Variants in DHX34 observed in about 807,000 individuals in gnomAD.
The protein encoded by DHX34 is probable ATP-dependent RNA helicase DHX34.
A neutral mutation model predicts 111.1 loss-of-function variants in DHX34; 96 were observed. The ratio of observed to expected loss-of-function variants is 0.86; its 90% CI spans 0.73 to 1.02. The LOEUF (loss-of-function observed/expected upper bound fraction) is 1.02, where lower values mean the gene tolerates loss of function less well. Ranked by LOEUF, DHX34 falls within the 50% of genes least tolerant of loss-of-function variation. The pLI, the probability that DHX34 is intolerant of heterozygous loss-of-function variation, is 0.00. For missense variants in DHX34, 1,560 were observed against 1,579.9 expected, an observed-to-expected ratio of 0.99 and a Z score of 0.21; for synonymous variants, 688 against 670.4, an observed-to-expected ratio of 1.03 and a Z score of -0.41.
chr19:47,373,403 C>G (rs1224024753), intron 8 of DHX34, 196 bp from the exon 9 acceptor site: 2 of 900,256 alleles, frequency 2.2e-6, no homozygotes, highest in Non-Finnish European at 2.7e-6. Context: ...CTGGGACAAC[C>G]CAGCGGGGCA....
rs1194276426 is a variant in DHX34, at chr19:47,363,184, GACCTTGTAATCC to G, written c.1593+495_1593+506del. 5.3e-5 allele frequency among the ~76,000 whole-genome samples: 8 copies of G among 152,050 alleles called. No individual in the cohort carries two copies. The South Asian group carries it at 1.7e-3, about 32-fold the overall frequency. ...TTAGCCAGGATGGTCTTGATTTCCTGACCTTGTAATCCACCCTCCTCGGCCTCCCAAAGTGCT... is the reference window on the plus strand; with the variant it reads ...TTAGCCAGGATGGTCTTGATTTCCTGACCCTCCTCGGCCTCCCAAAGTGCT... On this transcript the variant is annotated intron_variant, in intron 6 of 16. Coordinates refer to ENST00000328771, the MANE Select transcript of DHX34 (RefSeq NM_014681.6).
Position 47,373,645 on chromosome 19 carries a change from G to T in DHX34, c.2009G>T (p.Arg670Leu). 1 of 1,614,044 alleles carries T rather than the reference G, an allele frequency of 6.2e-7. No individual in the cohort carries two copies. Among genetic ancestry groups the T allele is most frequent in the Non-Finnish European group, 8.5e-7 (1 of 1,179,990 alleles). The change falls in exon 9 of 17, where the codon CGG (arginine) becomes CTG (leucine). Residue 670 changes from arginine to leucine, a missense_variant. By Grantham distance (102) the Arg-to-Leu change is moderately radical (BLOSUM62 -2). Transcript: ENST00000328771. ...AACTCTCGCAAGTGGTGCCGCCGCC[G>T]GGGCATAGAGGAGCATCGACTGTAC... ...SRNSRKWCRR[R>L]GIEEHRLYEM...
intron 1 of DHX34, among the ~76,000 whole-genome samples, chr19:47,352,136 A>C (rs1483977095): frequency 6.6e-6 from 1 of 152,102 alleles, no homozygotes; most frequent in Non-Finnish European, 1.5e-5. Context: ...TCTCAGGTGA[A>C]ACATCCCCTC....
chr19:47,376,970 C>G, intron 12 of DHX34, 130 bp from the exon 13 acceptor site: 1 of 1,549,808 alleles, frequency 6.5e-7, no homozygotes, highest in Non-Finnish European at 8.7e-7. Context: ...TTGTCTGAGC[C>G]AGGCCACCAA....
chr19:47,373,565 G>T, intron 8 of DHX34, 34 bp from the exon 9 acceptor site: 1 of 1,604,634 alleles, frequency 6.2e-7, no homozygotes, highest in Non-Finnish European at 8.5e-7. Context: ...CACTGGCCAG[G>T]CCCTGACACC....
chr19:47,370,959 C>T (rs547039961), intron 7 of DHX34, among the ~76,000 whole-genome samples: 1 of 152,224 alleles, frequency 6.6e-6, no homozygotes, highest in Non-Finnish European at 1.5e-5. Context: ...CAGGCGTGAG[C>T]CCCTGCGCCC....
At chr19:47,368,847 G>A (rs1053876688) in intron 7 of DHX34, among the ~76,000 whole-genome samples, 1 of 151,516 alleles carries the variant, frequency 6.6e-6, no homozygotes, top group African/African-American at 2.4e-5. Context: ...CTGAGTAGCT[G>A]AGACTGTAGG....
chr19:47,373,701 G>A lies in DHX34; in HGVS notation c.2064+1G>A. The A allele has an allele frequency of 1.2e-6, 2 of 1,613,108 alleles. No homozygotes were observed. Among genetic ancestry groups the A allele is most frequent in the African/African-American group, 1.3e-5 (1 of 75,048 alleles). ...GGCCAACCTTCGGCGCCAGTTCAAG[G>A]TGAGGCTCGGGAGGAGGGGTAAGGC... On this transcript the variant is annotated splice_donor_variant, in intron 9 of 16. Coordinates refer to ENST00000328771, the MANE Select transcript of DHX34 (RefSeq NM_014681.6). LOFTEE classifies it high-confidence loss of function.
At chr19:47,362,945 A>G (rs1422902400) in intron 6 of DHX34, among the ~76,000 whole-genome samples, 1 of 151,434 alleles carries the variant, frequency 6.6e-6, no homozygotes, top group East Asian at 1.9e-4. Flanking sequence ...TAACTTTTAA[A>G]TTTTTATTTA....
intron 7 of DHX34, among the ~76,000 whole-genome samples, chr19:47,371,983 G>T (rs968031047): frequency 6.6e-6 from 1 of 151,340 alleles, no homozygotes; most frequent in Non-Finnish European, 1.5e-5. Context: ...CAGCTCGGGC[G>T]CCCAGAACCA....
chr19:47,358,192 T>A (rs1382699242), intron 4 of DHX34, 72 bp downstream of exon 4: 1 of 1,539,412 alleles, frequency 6.5e-7, no homozygotes, highest in Non-Finnish European at 8.8e-7. Flanking sequence ...ACAGGACTTG[T>A]GTAACTCCAC....
At chr19:47,373,458 G>A (rs1487989910) in intron 8 of DHX34, 141 bp from the exon 9 acceptor site, 1 of 1,447,482 alleles carries the variant, frequency 6.9e-7, no homozygotes, top group South Asian at 1.4e-5. Flanking sequence ...CCCATAGGAG[G>A]GGGCACTGGG....
At chr19:47,367,450 A>G (rs1349217094) in intron 7 of DHX34, among the ~76,000 whole-genome samples, 1 of 152,170 alleles carries the variant, frequency 6.6e-6, no homozygotes, top group Non-Finnish European at 1.5e-5. Context: ...GAGAGAAGAA[A>G]CAACGGGGTT....
In DHX34 at chr19:47,379,953, A is replaced by C; in HGVS notation, c.2950A>C (p.Ser984Arg). 4 of 1,595,834 alleles carry C rather than the reference A, an allele frequency of 2.5e-6. No homozygotes were observed. The highest frequency in any genetic ancestry group is 3.4e-6 in the Non-Finnish European group (4 of 1,165,344). Residue 984 changes from serine (S) to arginine (R), a missense_variant, in exon 14 of 17, where the codon AGC becomes CGC. Physicochemically the swap from Ser to Arg is moderately radical, Grantham distance 110 (BLOSUM62 -1). Coordinates refer to ENST00000328771, the MANE Select transcript of DHX34 (RefSeq NM_014681.6). ...PVSPKEVATL[S>R]KELLQFTASK... is the part of the protein sequence containing the mutation. ...CAGCCCCAAGGAGGTGGCCACCCTG[A>C]GCAAGGAACTCCTGCAATTCACGGC...
chr19:47,378,427 A>G (rs895057346), intron 13 of DHX34, among the ~76,000 whole-genome samples: 1 of 152,156 alleles, frequency 6.6e-6, no homozygotes, highest in Admixed American at 6.5e-5. Flanking sequence ...TGCTCATGTG[A>G]GCATGGGAAA....
intron 7 of DHX34, among the ~76,000 whole-genome samples, chr19:47,372,405 G>A (rs971563618): frequency 6.6e-6 from 1 of 152,100 alleles, no homozygotes; most frequent in African/African-American, 2.4e-5. Flanking sequence ...CAGAGCGCTG[G>A]GGGAGTGGGT....
intron 12 of DHX34, 154 bp downstream of exon 12, chr19:47,376,714 C>T: frequency 7.0e-7 from 1 of 1,432,500 alleles, no homozygotes; most frequent in Non-Finnish European, 9.3e-7. Flanking sequence ...CCAGGCCTCC[C>T]TGGGTAGCCT....
Position 47,362,379 on chromosome 19 carries a change from G to GT in DHX34, c.1376-96dup, listed in dbSNP as rs1969656014. ...CAGTTAGCATTAACAGAATAAAGGA[G>GT]TAAGTGAGGGTGTTGGCGAGTGACA... On this transcript the variant is annotated intron_variant, in intron 5 of 16. Transcript: ENST00000328771. 3 of 1,390,912 alleles carry GT rather than the reference G, an allele frequency of 2.2e-6. No homozygotes were observed. In the South Asian group the frequency reaches 5.0e-5, roughly 23 times the overall value. 86.2% of individuals were successfully genotyped at this position (1,390,912 alleles called of 1,614,324 possible). A position where few individuals can be genotyped will look rare whatever the true frequency, so the allele number is the denominator to read the frequency against.
intron 7 of DHX34, among the ~76,000 whole-genome samples, chr19:47,367,679 G>A (rs1969833300): frequency 6.6e-6 from 1 of 152,120 alleles, no homozygotes; most frequent in Non-Finnish European, 1.5e-5. Flanking sequence ...CACGAGGTCA[G>A]CAGTTCGAGA....
Sources: allele counts gnomAD v4.1 joint callset (sites outside exome capture counted in the v4.1 genomes callset), GRCh38; gene constraint gnomAD v4.1.1; transcripts MANE v1.5; gene names NCBI Gene and HGNC (gene_info 2026-07-23, HGNC 2026-07-21).